SEMA3A: variants seen among roughly 807,000 people sequenced by gnomAD.
The protein encoded by SEMA3A is semaphorin 3A, also known as semaphorin-3A.
In SEMA3A, 29 loss-of-function variants were observed where a neutral mutation model predicts 97.9. The observed-to-expected ratio is 0.30, with a 90% confidence interval of 0.22 to 0.40. The LOEUF (loss-of-function observed/expected upper bound fraction) is 0.40. Among genes scored for constraint, SEMA3A ranks in the 10% least tolerant of loss-of-function variants. The probability of loss-of-function intolerance (pLI) is 1.00; values close to 1 mark genes in which losing one functional copy is unlikely to be tolerated. For synonymous variants in SEMA3A, 321 were observed against 323.7 expected (o/e 0.99, Z 0.09); for missense variants, 763 against 951.3 (o/e 0.80, Z 2.60).
intron 3 of SEMA3A, among the ~76,000 whole-genome samples, chr7:84,266,124 GC>G (rs1469006374): frequency 1.3e-5 from 2 of 151,760 alleles, no homozygotes; most frequent in African/African-American, 4.8e-5. Flanking sequence ...TTCAAGACCA[GC>G]CTGGCCAACA....
chr7:84,088,702 A>G (rs571211084), intron 4 of SEMA3A, among the ~76,000 whole-genome samples: 2 of 152,172 alleles, frequency 1.3e-5, no homozygotes, highest in Non-Finnish European at 2.9e-5. Context: ...AGAAAACAAT[A>G]TGAAATGCAT....
chr7:84,316,609 TAGAA>T lies in SEMA3A; in HGVS notation c.-168-9321_-168-9318del, dbSNP rs530215602. Among the ~76,000 whole-genome samples the T allele has an allele frequency of 9.5e-4, 144 of 152,254 alleles. 1 individual carries two copies. The highest frequency in any genetic ancestry group is 5.6e-3 in the East Asian group (29 of 5,178). On this transcript the variant is annotated intron_variant, in intron 2 of 3. Transcript: ENST00000424555. Reference sequence around the variant, plus strand: ...GAAGCATTAAGAGAGTAGATAGAGATAGAAAGAGAAAGAGAGATTTACCATTTAA... The same window carrying T: ...GAAGCATTAAGAGAGTAGATAGAGATAGAGAAAGAGAGATTTACCATTTAA...
At chr7:84,436,394 A>T (rs1385683213) in intron 1 of SEMA3A, among the ~76,000 whole-genome samples, 3 of 152,172 alleles carry the variant, frequency 2.0e-5, no homozygotes, top group South Asian at 2.1e-4. Context: ...GCAAACAGAC[A>T]ACCTACACAA....
intron 2 of SEMA3A, among the ~76,000 whole-genome samples, chr7:84,315,102 G>A (rs1242923626): frequency 6.6e-6 from 1 of 151,966 alleles, no homozygotes; most frequent in South Asian, 2.1e-4. Flanking sequence ...TTCCAGAAGG[G>A]TAATTAACCT....
At chr7:84,178,110 T>C (rs1267315740) in intron 1 of SEMA3A, among the ~76,000 whole-genome samples, 1 of 152,248 alleles carries the variant, frequency 6.6e-6, no homozygotes, top group Admixed American at 6.5e-5. Context: ...CAAATTATCT[T>C]TTCCTCTCCA....
chr7:84,064,466 C>T (rs1447295508), intron 4 of SEMA3A, among the ~76,000 whole-genome samples: 1 of 152,106 alleles, frequency 6.6e-6, no homozygotes, highest in African/African-American at 2.4e-5. Context: ...TTAAAAGACA[C>T]AGACTGGCAA....
chr7:84,267,544 C>T, intron 3 of SEMA3A, among the ~76,000 whole-genome samples: 1 of 152,052 alleles, frequency 6.6e-6, no homozygotes, highest in Non-Finnish European at 1.5e-5. Context: ...TAATTTTTTT[C>T]TATAAATATC....
intron 3 of SEMA3A, among the ~76,000 whole-genome samples, chr7:84,263,330 T>A (rs189570346): frequency 2.0e-5 from 3 of 152,298 alleles, no homozygotes; most frequent in Non-Finnish European, 2.9e-5. Flanking sequence ...ACTGTGTAGG[T>A]AGTGCAGAAC....
At chr7:83,992,467 T>C (rs1182688593) in intron 12 of SEMA3A, among the ~76,000 whole-genome samples, 1 of 151,310 alleles carries the variant, frequency 6.6e-6, no homozygotes, top group Non-Finnish European at 1.5e-5. Flanking sequence ...GTGCTATAAA[T>C]TTCCCTCTAC....
intron 4 of SEMA3A, among the ~76,000 whole-genome samples, chr7:84,062,559 C>G (rs190611809): frequency 0.014 from 2,170 of 152,232 alleles, 51 homozygotes; most frequent in African/African-American, 0.05. Flanking sequence ...TCAGTGGGTG[C>G]GCGCACCACG....
chr7:84,453,532 G>A (rs1011290011), intron 1 of SEMA3A, among the ~76,000 whole-genome samples: 1 of 152,042 alleles, frequency 6.6e-6, no homozygotes, highest in Non-Finnish European at 1.5e-5. Flanking sequence ...CACCGCGCCC[G>A]GCCGAGACTT....
chr7:83,978,050 T>G (rs1327940400), intron 14 of SEMA3A, among the ~76,000 whole-genome samples: 6 of 151,932 alleles, frequency 3.9e-5, no homozygotes, highest in African/African-American at 9.7e-5. Context: ...TGATCCGCCC[T>G]CCTCGGCCTC....
At chr7:84,079,392 A>C (rs1009631615) in intron 4 of SEMA3A, among the ~76,000 whole-genome samples, 1 of 150,814 alleles carries the variant, frequency 6.6e-6, no homozygotes, top group South Asian at 2.1e-4. Flanking sequence ...CAGCAAAAGA[A>C]ACTACCATCA....
chr7:84,463,852 A>C (rs959170280), intron 1 of SEMA3A, among the ~76,000 whole-genome samples: 1 of 152,026 alleles, frequency 6.6e-6, no homozygotes, highest in South Asian at 2.1e-4. Context: ...CCTAACATAT[A>C]TTACAATATA....
chr7:84,204,931 G>C (rs1185486308), intron 3 of SEMA3A, among the ~76,000 whole-genome samples: 1 of 152,168 alleles, frequency 6.6e-6, no homozygotes, highest in Non-Finnish European at 1.5e-5. Flanking sequence ...GTGCATTTGA[G>C]ATCCTCCATC....
At chr7:84,289,601 T>C (rs561348124) in intron 3 of SEMA3A, among the ~76,000 whole-genome samples, 27 of 151,972 alleles carry the variant, frequency 1.8e-4, no homozygotes, top group African/African-American at 5.8e-4. Context: ...AGGATGGCAA[T>C]GATAAAAAAT....
intron 4 of SEMA3A, among the ~76,000 whole-genome samples, chr7:84,063,282 T>C (rs10155886): frequency 0.54 from 78,326 of 144,342 alleles, 24,263 homozygotes; most frequent in African/African-American, 0.79. Flanking sequence ...TCACCATCAT[T>C]GAGGACCAAA....
chr7:84,276,399 G>A (rs985627261), intron 3 of SEMA3A, among the ~76,000 whole-genome samples: 20 of 152,032 alleles, frequency 1.3e-4, no homozygotes, highest in African/African-American at 4.6e-4. Flanking sequence ...AAAAAACATT[G>A]CCTTATAATT....
chr7:84,158,315 G>A (rs894352543), intron 1 of SEMA3A, among the ~76,000 whole-genome samples: 13 of 151,182 alleles, frequency 8.6e-5, no homozygotes, highest in East Asian at 5.8e-4. Context: ...CCACCACACC[G>A]GGCTAATTTT....
Sources: gnomAD v4.1 joint callset for allele counts (sites outside exome capture counted in the v4.1 genomes callset) on GRCh38, gnomAD v4.1.1 for gene constraint, MANE v1.5 for transcripts, NCBI Gene and HGNC (gene_info 2026-07-23, HGNC 2026-07-21) for gene names.